The following DLG2 variants were observed in gnomAD, a reference collection of about 807,000 sequenced individuals.
DLG2 encodes disks large homolog 2.
In DLG2, 45 loss-of-function variants were observed where a neutral mutation model predicts 132.5. The ratio of observed to expected loss-of-function variants is 0.34; its 90% confidence interval spans 0.27 to 0.44. DLG2 has a LOEUF of 0.44. Among genes scored for constraint, DLG2 ranks in the 20% least tolerant of loss-of-function variants. DLG2 has a pLI of 1.00. For missense variants in DLG2, 1,045 were observed against 1,196.9 expected, an observed-to-expected ratio of 0.87 and a Z score of 1.87; for synonymous variants, 424 against 419.6, an observed-to-expected ratio of 1.01 and a Z score of -0.13.
intron 6 of DLG2, among the ~76,000 whole-genome samples, chr11:84,613,243 A>G (rs559771940): frequency 3.3e-5 from 5 of 152,254 alleles, no homozygotes; most frequent in Admixed American, 6.5e-5. Flanking sequence ...TTTATATTAA[A>G]TAATACCATG....
At chr11:85,518,144 G>A (rs536553988) in intron 3 of DLG2, among the ~76,000 whole-genome samples, 63 of 152,150 alleles carry the variant, frequency 4.1e-4, no homozygotes, top group Non-Finnish European at 8.2e-4. Context: ...CAGCAGAGTG[G>A]GGCAATGCTG....
At chr11:84,703,883 T>TATAC (rs1555174924) in intron 6 of DLG2, among the ~76,000 whole-genome samples, 3 of 119,924 alleles carry the variant, frequency 2.5e-5, no homozygotes, top group South Asian at 2.5e-4. Flanking sequence ...TATATATATA[T>TATAC]ACACGTGTGT....
intron 17 of DLG2, among the ~76,000 whole-genome samples, chr11:83,809,690 T>C (rs770290361): frequency 4.6e-5 from 7 of 152,178 alleles, no homozygotes; most frequent in Non-Finnish European, 7.4e-5. Flanking sequence ...ATCTGCATTG[T>C]AACCTCCATT....
intron 6 of DLG2, among the ~76,000 whole-genome samples, chr11:84,541,466 G>C (rs1177886802): frequency 6.6e-6 from 1 of 151,974 alleles, no homozygotes; most frequent in African/African-American, 2.4e-5. Flanking sequence ...CTCCTCAGAA[G>C]CATTCTCTGA....
At chr11:83,672,335 G>A (rs761158581) in intron 18 of DLG2, among the ~76,000 whole-genome samples, 5 of 151,816 alleles carry the variant, frequency 3.3e-5, no homozygotes, top group Non-Finnish European at 4.4e-5. Flanking sequence ...CAGGCACCAC[G>A]CCCGGCTAAT....
intron 4 of DLG2, among the ~76,000 whole-genome samples, chr11:85,261,980 G>C (rs753713945): frequency 1.3e-5 from 2 of 152,130 alleles, no homozygotes; most frequent in African/African-American, 2.4e-5. Flanking sequence ...ATGGGAGAGA[G>C]AAAAAAGTTC....
intron 6 of DLG2, among the ~76,000 whole-genome samples, chr11:84,675,383 A>G (rs2099710165): frequency 1.3e-5 from 2 of 152,264 alleles, no homozygotes; most frequent in South Asian, 4.1e-4. Flanking sequence ...GAATAATGTC[A>G]GAGGCTCTGG....
intron 3 of DLG2, among the ~76,000 whole-genome samples, chr11:85,428,661 C>T (rs2090950399): frequency 6.6e-6 from 1 of 152,076 alleles, no homozygotes; most frequent in Non-Finnish European, 1.5e-5. Flanking sequence ...ACTAAATGCC[C>T]ACAAGAGAAA....
chr11:83,884,031 T>C (rs1386456046), intron 15 of DLG2, among the ~76,000 whole-genome samples: 1 of 152,104 alleles, frequency 6.6e-6, no homozygotes, highest in Non-Finnish European at 1.5e-5. Context: ...AGACGGGTGA[T>C]TTCTGCATTT....
intron 3 of DLG2, among the ~76,000 whole-genome samples, chr11:85,345,557 A>G (rs2082776335): frequency 6.6e-6 from 1 of 152,132 alleles, no homozygotes; most frequent in Non-Finnish European, 1.5e-5. Flanking sequence ...CAGAAATGGA[A>G]CCAGGATTCA....
intron 17 of DLG2, among the ~76,000 whole-genome samples, chr11:83,810,992 T>C (rs1213443109): frequency 1.3e-5 from 2 of 152,082 alleles, no homozygotes; most frequent in Non-Finnish European, 2.9e-5. Flanking sequence ...CGCTAACTGG[T>C]ATTGTATTTT....
intron 6 of DLG2, among the ~76,000 whole-genome samples, chr11:84,967,136 C>A (rs967807952): frequency 2.6e-5 from 4 of 152,082 alleles, no homozygotes; most frequent in African/African-American, 7.2e-5. Context: ...GTAATTCCAG[C>A]TCAATGTTTT....
intron 6 of DLG2, among the ~76,000 whole-genome samples, chr11:84,588,466 T>C (rs1316839059): frequency 1.3e-5 from 2 of 152,082 alleles, no homozygotes; most frequent in Non-Finnish European, 2.9e-5. Context: ...TCCAAACAGA[T>C]AGCTATGATT....
intron 3 of DLG2, among the ~76,000 whole-genome samples, chr11:85,310,950 C>T (rs1269674540): frequency 6.6e-6 from 1 of 152,122 alleles, no homozygotes; most frequent in East Asian, 1.9e-4. Flanking sequence ...TGATTCTATG[C>T]TGTTATTTAT....
At chr11:83,682,553 G>T in intron 18 of DLG2, 1 of 659,588 alleles carries the variant, frequency 1.5e-6, no homozygotes, top group Non-Finnish European at 1.9e-6. Flanking sequence ...TTGTTAAGGT[G>T]GATCCACCCA....
intron 7 of DLG2, among the ~76,000 whole-genome samples, chr11:84,377,452 T>G (rs2098733758): frequency 6.6e-6 from 1 of 152,030 alleles, no homozygotes; most frequent in African/African-American, 2.4e-5. Flanking sequence ...TGACTTATAT[T>G]CAAATGTATT....
At chr11:84,344,560 C>G (rs2098530737) in intron 7 of DLG2, among the ~76,000 whole-genome samples, 1 of 152,164 alleles carries the variant, frequency 6.6e-6, no homozygotes, top group South Asian at 2.1e-4. Flanking sequence ...TGCAACCAGA[C>G]ATTGAGAAAC....
At chr11:83,501,985 T>C (rs148007657) in intron 21 of DLG2, among the ~76,000 whole-genome samples, 1,833 of 152,296 alleles carry the variant, frequency 0.012, 22 homozygotes, top group Middle Eastern at 0.041. Context: ...TAAAATTTTC[T>C]TTTGCACTCT....
At chr11:85,535,585 A>G (rs1423666031) in intron 3 of DLG2, among the ~76,000 whole-genome samples, 2 of 151,626 alleles carry the variant, frequency 1.3e-5, no homozygotes, top group African/African-American at 4.8e-5. Context: ...GCAGTTCTCA[A>G]GAAGTTAAAC....
Sources: gnomAD v4.1 joint callset for allele counts (sites outside exome capture counted in the v4.1 genomes callset) on GRCh38, gnomAD v4.1.1 for gene constraint, MANE v1.5 for transcripts, NCBI Gene and HGNC (gene_info 2026-07-23, HGNC 2026-07-21) for gene names.